Variants in ANKS1A observed in about 807,000 individuals in gnomAD.
The protein encoded by ANKS1A is ankyrin repeat and sterile alpha motif domain containing 1A.
ANKS1A carries 55 observed loss-of-function variants against 120.3 expected under a neutral mutation model. That is an observed-to-expected ratio of 0.46 (90% CI 0.37 to 0.57). ANKS1A has a LOEUF of 0.57. Ranked by LOEUF, ANKS1A falls within the 20% of genes least tolerant of loss-of-function variation. The pLI is 0.00. For synonymous variants in ANKS1A, 590 were observed against 604.7 expected (o/e 0.98, Z 0.36); for missense variants, 1,123 against 1,480.3 (o/e 0.76, Z 3.96).
intron 1 of ANKS1A, among the ~76,000 whole-genome samples, chr6:34,962,930 C>T (rs766406740): frequency 2.0e-5 from 3 of 150,656 alleles, no homozygotes; most frequent in East Asian, 2.0e-4. Flanking sequence ...GGCACGATCT[C>T]GGCTCACTGC....
chr6:35,060,345 C>T lies in ANKS1A; in HGVS notation c.2184+92C>T. On this transcript the variant is annotated intron_variant, in intron 13 of 23. Transcript: ENST00000360359. This position sits in a 1 kb window ranked among gnomAD's most constrained non-coding sequence, Gnocchi z 4.5. ...CCTCTGGCCCCACAGGAGTCTGCAA[C>T]AGTACGTAGACCCAAATCCCAGGGA... The T allele has an allele frequency of 8.8e-7, 1 of 1,139,504 alleles. No homozygotes were observed. Among genetic ancestry groups the T allele is most frequent in the African/African-American group, 1.5e-5 (1 of 65,282 alleles). 70.6% of individuals were successfully genotyped at this position (1,139,504 alleles called of 1,614,324 possible).
At chr6:34,995,800 T>A (rs1053080120) in intron 10 of ANKS1A, among the ~76,000 whole-genome samples, 3 of 152,228 alleles carry the variant, frequency 2.0e-5, no homozygotes, top group African/African-American at 7.2e-5. Context: ...TTATCCCTTC[T>A]CTAGCTGAGG....
intron 13 of ANKS1A, among the ~76,000 whole-genome samples, chr6:35,061,967 A>G (rs1053371851): frequency 2.0e-5 from 3 of 152,312 alleles, no homozygotes; most frequent in African/African-American, 7.2e-5. Context: ...TCAAGATGCT[A>G]GAGGCTGAGC....
chr6:34,939,853 A>G (rs1352304992), intron 1 of ANKS1A, among the ~76,000 whole-genome samples: 4 of 152,264 alleles, frequency 2.6e-5, no homozygotes, highest in African/African-American at 4.8e-5. Context: ...AAAATCAGCC[A>G]TAGTGGCTTG....
chr6:34,975,236 C>G (rs1467148726), intron 3 of ANKS1A, among the ~76,000 whole-genome samples: 2 of 151,638 alleles, frequency 1.3e-5, no homozygotes, highest in Non-Finnish European at 2.9e-5. Context: ...GGTGGATTAC[C>G]TGAGGTCAGG....
chr6:35,025,287 A>ATG (rs369342625), intron 11 of ANKS1A, among the ~76,000 whole-genome samples: 2,098 of 148,788 alleles, frequency 0.014, 43 homozygotes, highest in African/African-American at 0.043. Flanking sequence ...TATGTATGCG[A>ATG]TGTGTGTGTG....
At chr6:35,077,848 G>A (rs1041520966) in intron 13 of ANKS1A, among the ~76,000 whole-genome samples, 16 of 152,162 alleles carry the variant, frequency 1.1e-4, no homozygotes, top group Non-Finnish European at 1.6e-4. Context: ...AGTGGGATGC[G>A]CCAGGTGAAA....
intron 1 of ANKS1A, among the ~76,000 whole-genome samples, chr6:34,962,867 T>C (rs770257190): frequency 4.7e-4 from 71 of 151,592 alleles, no homozygotes; most frequent in Non-Finnish European, 9.9e-4. Context: ...TTCTTTCTTT[T>C]TTTTTTTCTT....
At chr6:34,943,179 T>G (rs919159613) in intron 1 of ANKS1A, among the ~76,000 whole-genome samples, 15 of 152,196 alleles carry the variant, frequency 9.9e-5, no homozygotes, top group Non-Finnish European at 2.2e-4. Flanking sequence ...GGTCTTGAAC[T>G]CTTGGGCTGA....
chr6:34,939,933 G>A (rs1769445873), intron 1 of ANKS1A, among the ~76,000 whole-genome samples: 1 of 152,138 alleles, frequency 6.6e-6, no homozygotes, highest in Admixed American at 6.5e-5. Context: ...TATGGTTGCT[G>A]CTCCCAGCCA....
chr6:35,083,393 A>G (rs372799319), intron 19 of ANKS1A, 24 bp from the exon 20 acceptor site: 15 of 1,612,204 alleles, frequency 9.3e-6, no homozygotes, highest in Admixed American at 3.3e-5. Context: ...GGGCACTGAC[A>G]GGGCCACCCC....
At position 35,090,882 on chromosome 6, in the gene ANKS1A, C is replaced by T; in HGVS notation, c.*2273C>T. ...CCACCTCTTCTCCCCTGCCCACCAG[C>T]TGCTCAGCGCATAAGACCTTCCCGA... On this transcript the variant is annotated 3_prime_UTR_variant, in exon 24 of 24. Transcript: ENST00000360359. 1 of 985,830 alleles carries T rather than the reference C, an allele frequency of 1.0e-6. No homozygotes were observed. The highest frequency in any genetic ancestry group is 1.2e-6 in the Non-Finnish European group (1 of 830,224). The allele number at this position is 985,830 out of a possible 1,614,324, so 61.1% of individuals were successfully genotyped here.
chr6:34,917,246 C>G (rs565315060), intron 1 of ANKS1A, among the ~76,000 whole-genome samples: 7 of 152,310 alleles, frequency 4.6e-5, no homozygotes, highest in Admixed American at 3.9e-4. Context: ...TTCCTTCTCT[C>G]CCCACTGTGG....
At chr6:35,065,233 TGCA>T (rs67991821) in intron 13 of ANKS1A, among the ~76,000 whole-genome samples, 50,112 of 151,588 alleles carry the variant, frequency 0.33, 8,668 homozygotes, top group East Asian at 0.61. Context: ...ACTGCCTGAC[TGCA>T]GCGCAGGCAT....
intron 13 of ANKS1A, among the ~76,000 whole-genome samples, chr6:35,063,323 A>G (rs1171463169): frequency 6.6e-6 from 1 of 152,242 alleles, no homozygotes; most frequent in Non-Finnish European, 1.5e-5. Context: ...GAGGAAATGC[A>G]TTTAATCAGC....
At chr6:34,968,824 A>T (rs1305294932) in intron 2 of ANKS1A, among the ~76,000 whole-genome samples, 1 of 152,078 alleles carries the variant, frequency 6.6e-6, no homozygotes, top group Admixed American at 6.6e-5. Flanking sequence ...ACCTTAGAGT[A>T]TTTTGTGTCA....
chr6:35,076,636 GTT>G (rs1415238521), intron 13 of ANKS1A, among the ~76,000 whole-genome samples: 1 of 152,062 alleles, frequency 6.6e-6, no homozygotes, highest in African/African-American at 2.4e-5. Context: ...GTTTGGTTTT[GTT>G]TTGTTTTTGA....
chr6:34,902,199 G>GAA (rs1767381304), intron 1 of ANKS1A, among the ~76,000 whole-genome samples: 1 of 152,122 alleles, frequency 6.6e-6, no homozygotes, highest in South Asian at 2.1e-4. Context: ...TCAAGTAGAT[G>GAA]ATCCAGGGCT....
chr6:34,929,029 A>G (rs1445431713), intron 1 of ANKS1A, among the ~76,000 whole-genome samples: 1 of 152,158 alleles, frequency 6.6e-6, no homozygotes, highest in East Asian at 1.9e-4. Flanking sequence ...TCTGTTTACT[A>G]AAGATATTAT....
Sources: gnomAD v4.1 joint callset for allele counts (sites outside exome capture counted in the v4.1 genomes callset) on GRCh38, gnomAD v4.1.1 for gene constraint, Gnocchi (gnomAD v3.1) non-coding constraint, MANE v1.5 for transcripts, NCBI Gene and HGNC (gene_info 2026-07-23, HGNC 2026-07-21) for gene names.